The following CFAP221 variants were observed in gnomAD, a reference collection of about 807,000 sequenced individuals.
CFAP221 encodes the protein cilia and flagella associated protein 221.
Under a neutral mutation model 113.1 loss-of-function variants are expected in CFAP221, and 97 were observed. The observed-to-expected ratio is 0.86, with a 90% CI of 0.73 to 1.02. CFAP221 has a LOEUF of 1.02. CFAP221 is among the 50% of genes least tolerant of loss of function. The probability of loss-of-function intolerance (pLI) is 0.00; values close to 1 mark genes in which losing one functional copy is unlikely to be tolerated. For missense variants in CFAP221, 1,025 were observed against 1,013.4 expected, an observed-to-expected ratio of 1.01 and a Z score of -0.16; for synonymous variants, 331 against 354.4, an observed-to-expected ratio of 0.93 and a Z score of 0.74.
intron 21 of CFAP221, among the ~76,000 whole-genome samples, chr2:119,641,501 A>G (rs1226991193): frequency 6.6e-6 from 1 of 152,160 alleles, no homozygotes; most frequent in East Asian, 1.9e-4. Flanking sequence ...ACCTGCCTCC[A>G]TTGTACACTG....
intron 6 of CFAP221, among the ~76,000 whole-genome samples, chr2:119,580,005 G>A (rs544327026): frequency 6.6e-6 from 1 of 152,184 alleles, no homozygotes; most frequent in South Asian, 2.1e-4. Context: ...ACTTCACATC[G>A]CGCATTACCC....
chr2:119,559,795 C>G lies in CFAP221; in HGVS notation c.327+20C>G. On this transcript the variant is annotated intron_variant, in intron 4 of 23. Transcript: ENST00000413369. ...AGAAAGGTAAGCGTCATTGGTTTACCTGTTCTCCCACGGTGTGGTTGTCTG... is the reference window on the plus strand; with the variant it reads ...AGAAAGGTAAGCGTCATTGGTTTACGTGTTCTCCCACGGTGTGGTTGTCTG... 1 of 1,505,692 alleles carries G rather than the reference C, an allele frequency of 6.6e-7. No homozygotes were observed. The allele number at this position is 1,505,692 out of a possible 1,614,324, so 93.3% of individuals were successfully genotyped here.
chr2:119,581,730 C>G (rs950373864), intron 6 of CFAP221, among the ~76,000 whole-genome samples: 4 of 152,044 alleles, frequency 2.6e-5, no homozygotes, highest in African/African-American at 4.8e-5. Flanking sequence ...GAATATCTAG[C>G]AGGATAAAGA....
chr2:119,625,704 A>G lies in CFAP221; in HGVS notation c.1516+16A>G. On this transcript the variant is annotated intron_variant, in intron 15 of 23. Coordinates refer to ENST00000413369, the MANE Select transcript of CFAP221 (RefSeq NM_001271049.2). ...ATAGCACAAGGTGAAGTATGGCTGC[A>G]AAGCACAGAGATGCCGAGACTGATC... 6.3e-7 allele frequency: 1 copy of G among 1,577,214 alleles called. No individual in the cohort carries two copies. The highest frequency in any genetic ancestry group is 1.3e-5 in the African/African-American group (1 of 74,192).
chr2:119,557,023 C>T (rs557232698), intron 3 of CFAP221: 1 of 152,294 alleles, frequency 6.6e-6, no homozygotes, highest in South Asian at 2.1e-4. Flanking sequence ...GGCTGGATCT[C>T]CAGTCTTGGG....
Position 119,604,735 on chromosome 2 carries a change from A to G in CFAP221, c.855A>G (p.Ala285=). 1.3e-6 allele frequency: 2 copies of G among 1,551,528 alleles called. No individual in the cohort carries two copies. Among genetic ancestry groups the G allele is most frequent in the South Asian group, 1.2e-5 (1 of 81,170 alleles). Residue 285 remains alanine, a synonymous_variant, in exon 9 of 24, where the codon GCA becomes GCG. Coordinates refer to ENST00000413369, the MANE Select transcript of CFAP221 (RefSeq NM_001271049.2). ...SKKVNVPPEK[A]MMHINFHRPP... ...AAGTAAACGTTCCTCCAGAAAAAGC[A>G]ATGATGCATATAAATTTTCACCGAC...
Position 119,549,133 on chromosome 2 carries a change from G to A in CFAP221, c.188G>A (p.Gly63Asp). The A allele has an allele frequency of 6.5e-7, 1 of 1,534,988 alleles. No homozygotes were observed. The highest frequency in any genetic ancestry group is 8.7e-7 in the Non-Finnish European group (1 of 1,146,566). Residue 63 changes from glycine (G) to aspartate (D), a missense_variant, in exon 3 of 24, where the codon GGC becomes GAC. Transcript: ENST00000413369. ...VNNKVIQARP[G>D]IIHFGGYQVE... ...AATAAGGTCATACAGGCAAGACCTG[G>A]CATAATACATTTTGGAGGCTATCAA...
intron 14 of CFAP221, among the ~76,000 whole-genome samples, chr2:119,619,926 G>A (rs576858629): frequency 6.6e-6 from 1 of 152,232 alleles, no homozygotes; most frequent in South Asian, 2.1e-4. Flanking sequence ...AACACAGCAC[G>A]AGAACTTCAT....
At chr2:119,599,320 A>C (rs770665171) in intron 7 of CFAP221, among the ~76,000 whole-genome samples, 20 of 152,338 alleles carry the variant, frequency 1.3e-4, no homozygotes, top group Non-Finnish European at 2.4e-4. Context: ...CGAGTTCAGT[A>C]GGGCTGACTG....
Position 119,615,591 on chromosome 2 carries a change from C to T in CFAP221, c.1312-20C>T, listed in dbSNP as rs549298480. On this transcript the variant is annotated intron_variant, in intron 13 of 23. Transcript: ENST00000413369. ...AGTTAAAATTTAAATGTAAGATGTG[C>T]CTATATTTTATATTCACAGAAAATC... The T allele has an allele frequency of 1.2e-5, 18 of 1,522,752 alleles. No homozygotes were observed. In the South Asian group the frequency reaches 2.0e-4, roughly 17 times the overall value. 94.3% of individuals were successfully genotyped at this position (1,522,752 alleles called of 1,614,324 possible).
At chr2:119,561,281 C>A (rs1470792761) in intron 5 of CFAP221, among the ~76,000 whole-genome samples, 2 of 151,746 alleles carry the variant, frequency 1.3e-5, no homozygotes, top group Non-Finnish European at 2.9e-5. Flanking sequence ...CAAAGCGAGA[C>A]TCCATCTCAA....
At chr2:119,552,962 G>T (rs1042141124) in intron 3 of CFAP221, among the ~76,000 whole-genome samples, 1 of 152,102 alleles carries the variant, frequency 6.6e-6, no homozygotes, top group Admixed American at 6.5e-5. Context: ...ATTTTCTTCT[G>T]TTTAATTTCA....
rs200710868 is a variant in CFAP221 at position 119,604,869 on chromosome 2, C to G, written c.913-7C>G. The stretch of plus-strand genomic sequence containing the variant: ...TAACTGATTTCCCTATTGATTTGGT[C>G]TCTTAGGAAATTGAGTACCAGAACC... On this transcript the variant is annotated splice_polypyrimidine_tract_variant and splice_region_variant and intron_variant, in intron 9 of 23. Coordinates refer to ENST00000413369, the MANE Select transcript of CFAP221 (RefSeq NM_001271049.2). The G allele has an allele frequency of 2.0e-5, 33 of 1,613,704 alleles. No homozygotes were observed. The East Asian group carries it at 6.7e-4, about 33-fold the overall frequency.
At chr2:119,627,539 ATATATAC>A in intron 15 of CFAP221, 107 bp from the exon 16 acceptor site, 2 of 792,304 alleles carry the variant, frequency 2.5e-6, no homozygotes, top group East Asian at 2.9e-5. Flanking sequence ...ATATATATAT[ATATATAC>A]ACACCCACCC....
chr2:119,625,782 A>G (rs1308550084), intron 15 of CFAP221, 94 bp downstream of exon 15: 1 of 1,040,802 alleles, frequency 9.6e-7, no homozygotes. Flanking sequence ...ATGCAAATAA[A>G]AAATTTTCAC....
chr2:119,642,501 A>G (rs1171753846), intron 21 of CFAP221, among the ~76,000 whole-genome samples: 2 of 150,314 alleles, frequency 1.3e-5, no homozygotes, highest in African/African-American at 4.9e-5. Context: ...CTGTGTCCAA[A>G]CATGGCAGAA....
At chr2:119,619,302 C>T (rs1313528426) in intron 14 of CFAP221, among the ~76,000 whole-genome samples, 3 of 152,228 alleles carry the variant, frequency 2.0e-5, no homozygotes, top group Non-Finnish European at 2.9e-5. Context: ...GAGACACCTC[C>T]CAGCAGGGGT....
At chr2:119,612,532 T>TA (rs1020210732) in intron 13 of CFAP221, among the ~76,000 whole-genome samples, 21 of 152,316 alleles carry the variant, frequency 1.4e-4, no homozygotes, top group Admixed American at 1.3e-3. Flanking sequence ...ATGATTCAGT[T>TA]ATCTCTACCT....
intron 3 of CFAP221, among the ~76,000 whole-genome samples, chr2:119,556,831 T>G (rs1376016220): frequency 6.6e-6 from 1 of 152,102 alleles, no homozygotes; most frequent in African/African-American, 2.4e-5. Context: ...GGATTACAGG[T>G]GTGAGCCACT....
Sources: allele counts gnomAD v4.1 joint callset (sites outside exome capture counted in the v4.1 genomes callset), GRCh38; gene constraint gnomAD v4.1.1; transcripts MANE v1.5; gene names NCBI Gene and HGNC (gene_info 2026-07-23, HGNC 2026-07-21).